The following MROH7 variants were observed in gnomAD, a reference collection of about 807,000 sequenced individuals.
MROH7 encodes the protein maestro heat like repeat family member 7, also known as maestro heat-like repeat-containing protein family member 7.
Under a neutral mutation model 129.2 loss-of-function variants are expected in MROH7, and 113 were observed. The ratio of observed to expected loss-of-function variants is 0.87; its 90% CI spans 0.75 to 1.02. MROH7 has a LOEUF of 1.02. Ranked by LOEUF, MROH7 falls within the 50% of genes least tolerant of loss-of-function variation. The pLI is 0.00. For missense variants in MROH7, 1,601 were observed against 1,671.3 expected, an observed-to-expected ratio of 0.96 and a Z score of 0.73; for synonymous variants, 655 against 667.9, an observed-to-expected ratio of 0.98 and a Z score of 0.30.
At chr1:54,663,174 C>T (rs1644756787) in intron 3 of MROH7, among the ~76,000 whole-genome samples, 1 of 152,128 alleles carries the variant, frequency 6.6e-6, no homozygotes, top group South Asian at 2.1e-4. Context: ...TCCCATTCCT[C>T]ATCAAACTTT....
chr1:54,678,581 G>A (rs1236045890), intron 10 of MROH7, among the ~76,000 whole-genome samples, 161 bp from the exon 11 acceptor site: 1 of 152,206 alleles, frequency 6.6e-6, no homozygotes, highest in East Asian at 1.9e-4. Context: ...CTTCTGGGGT[G>A]CTGATCACGT....
chr1:54,679,098 T>A (rs1645027074), intron 11 of MROH7, among the ~76,000 whole-genome samples, 165 bp from the exon 12 acceptor site: 1 of 152,172 alleles, frequency 6.6e-6, no homozygotes, highest in South Asian at 2.1e-4. Flanking sequence ...TTGTAGCTCC[T>A]CCCCTAAAGG....
At chr1:54,696,871 C>G (rs1645332098) in intron 17 of MROH7, among the ~76,000 whole-genome samples, 1 of 151,904 alleles carries the variant, frequency 6.6e-6, no homozygotes, top group Non-Finnish European at 1.5e-5. Context: ...TGGGTTTCCC[C>G]ATGTTGGCCA....
intron 14 of MROH7, 33 bp downstream of exon 14, chr1:54,682,827 C>A (rs1480023519): frequency 1.9e-6 from 3 of 1,596,754 alleles, no homozygotes; most frequent in Admixed American, 1.7e-5. Flanking sequence ...CCTATTGCTG[C>A]CTGTCCTGCC....
intron 1 of MROH7, among the ~76,000 whole-genome samples, chr1:54,649,960 C>G (rs1268840552): frequency 6.6e-6 from 1 of 152,204 alleles, no homozygotes; most frequent in African/African-American, 2.4e-5. Flanking sequence ...AAGGCAGATG[C>G]AAAGCTGTGC....
At position 54,673,211 on chromosome 1, in the gene MROH7, A is replaced by AGGGAG. The variant is rs764006493; in HGVS notation, c.1695+32_1695+36dup. On this transcript the variant is annotated intron_variant, in intron 8 of 23. Coordinates refer to ENST00000421030, the MANE Select transcript of MROH7 (RefSeq NM_001039464.4). ...GGTGCGGAGATGGGAGGGGCAAGGA[A>AGGGAG]GGGAGGGGAGGAAGGGTGGAGGGAA... The AGGGAG allele has an allele frequency of 2.6e-6, 4 of 1,545,296 alleles. No homozygotes were observed. In the African/African-American group the frequency reaches 4.1e-5, roughly 16 times the overall value.
chr1:54,697,904 G>T, intron 17 of MROH7: 1 of 461,286 alleles, frequency 2.2e-6, no homozygotes. Flanking sequence ...ACAAAGTCAG[G>T]GACTCTAGGT....
At chr1:54,680,110 T>TG in intron 13 of MROH7, 65 bp downstream of exon 13, 1 of 1,519,634 alleles carries the variant, frequency 6.6e-7, no homozygotes, top group South Asian at 1.1e-5. Context: ...CACCCCAGGT[T>TG]GGGGACCCCC....
intron 1 of MROH7, among the ~76,000 whole-genome samples, chr1:54,647,072 G>C (rs1463497418): frequency 6.6e-6 from 1 of 152,048 alleles, no homozygotes; most frequent in Non-Finnish European, 1.5e-5. Context: ...TTCCACCTTT[G>C]GCTCTCATAA....
At chr1:54,697,948 C>T (rs1346188955) in intron 17 of MROH7, 1 of 413,674 alleles carries the variant, frequency 2.4e-6, no homozygotes, top group Non-Finnish European at 4.3e-6. Flanking sequence ...GGACTCCTGA[C>T]CAGCAGCCCT....
At chr1:54,689,091 T>C (rs1023007283) in intron 15 of MROH7, among the ~76,000 whole-genome samples, 3 of 152,156 alleles carry the variant, frequency 2.0e-5, no homozygotes, top group Non-Finnish European at 4.4e-5. Flanking sequence ...CCAGAACCCA[T>C]GATAGTGACC....
At chr1:54,693,259 A>G (rs1335208038) in intron 16 of MROH7, among the ~76,000 whole-genome samples, 1 of 152,132 alleles carries the variant, frequency 6.6e-6, no homozygotes, top group African/African-American at 2.4e-5. Context: ...GGGTCTGCAG[A>G]GGCAACATAG....
rs560634212 is a variant in MROH7 at position 54,672,148 on chromosome 1, G to A, written c.1600-943G>A. On this transcript the variant is annotated intron_variant, in intron 7 of 23. Transcript: ENST00000421030. ...GAGGTGGTGCCCTTGGAGAAGACTG[G>A]GGTTGTGGGGGTGACTGAAAAAAGG... Among the ~76,000 whole-genome samples, 8 of 152,144 alleles carry A rather than the reference G, an allele frequency of 5.3e-5. No individual in the cohort carries two copies. In the South Asian group the frequency reaches 1.7e-3, roughly 32 times the overall value.
chr1:54,668,958 T>A, intron 5 of MROH7, 21 bp downstream of exon 5: 1 of 1,524,386 alleles, frequency 6.6e-7, no homozygotes. Context: ...CACAGGCGGG[T>A]CTGTGGCATT....
chr1:54,700,357 G>T lies in MROH7; in HGVS notation c.3001G>T (p.Glu1001Ter), dbSNP rs577330133. The change falls in exon 18 of 24, where the codon GAA (glutamate) becomes TAA (stop). Residue 1001 changes from glutamate to a stop codon, truncating the protein, a stop_gained. Transcript: ENST00000421030. LOFTEE classifies it high-confidence loss of function. Reference protein sequence around the residue: ...QMEQVRRIPEEYSLGRMAEGL... With the variant: ...QMEQVRRIPE ...GGAGCAGGTGCGCCGGATCCCCGAG[G>T]AATACTCTCTGGGGCGGATGGCAGA... The T allele has an allele frequency of 3.5e-5, 56 of 1,614,148 alleles. 1 individual carries two copies. The South Asian group carries it at 5.6e-4, about 16-fold the overall frequency.
rs1455432937 is a variant in MROH7, at chr1:54,709,629, TGAG to T, written c.3731-315_3731-313del. ...GGAGCTCACAATCTCATTAAGGAAA[TGAG>T]GCTCCAAAGTGAGACCAAAAGCCAT... On this transcript the variant is annotated intron_variant, in intron 23 of 23. Transcript: ENST00000421030. Among the ~76,000 whole-genome samples, 5 of 152,084 alleles carry T rather than the reference TGAG, an allele frequency of 3.3e-5. No individual in the cohort carries two copies. In the South Asian group the frequency reaches 1.0e-3, roughly 32 times the overall value.
intron 15 of MROH7, among the ~76,000 whole-genome samples, chr1:54,690,221 C>T (rs531119849): frequency 7.8e-5 from 11 of 141,564 alleles, no homozygotes; most frequent in East Asian, 4.8e-4. Flanking sequence ...CGAAGCAGCA[C>T]GGGCGCCATT....
intron 13 of MROH7, among the ~76,000 whole-genome samples, chr1:54,680,286 G>C (rs1327280476): frequency 6.6e-6 from 1 of 152,190 alleles, no homozygotes; most frequent in Non-Finnish European, 1.5e-5. Context: ...AGGAAACCAA[G>C]GCTTAGGGAA....
intron 10 of MROH7, among the ~76,000 whole-genome samples, chr1:54,675,423 A>C (rs1377247373): frequency 1.3e-5 from 2 of 151,772 alleles, no homozygotes; most frequent in East Asian, 3.9e-4. Context: ...TGGTATCCTC[A>C]CTCTTCTTGA....
Sources: gnomAD v4.1 joint callset for allele counts (sites outside exome capture counted in the v4.1 genomes callset) on GRCh38, gnomAD v4.1.1 for gene constraint, MANE v1.5 for transcripts, NCBI Gene and HGNC (gene_info 2026-07-23, HGNC 2026-07-21) for gene names.